Variants in GRAMD1B observed in about 807,000 individuals in gnomAD.
The protein encoded by GRAMD1B is GRAM domain containing 1B.
GRAMD1B carries 37 observed loss-of-function variants against 99.7 expected under a neutral mutation model. The ratio of observed to expected loss-of-function variants is 0.37; its 90% CI spans 0.29 to 0.49. GRAMD1B has a LOEUF of 0.49. GRAMD1B is among the 20% of genes least tolerant of loss of function. GRAMD1B has a pLI of 0.98. For missense variants in GRAMD1B, 888 were observed against 1,009.2 expected, an observed-to-expected ratio of 0.88 and a Z score of 1.63; for synonymous variants, 427 against 387.6, an observed-to-expected ratio of 1.10 and a Z score of -1.19.
intron 1 of GRAMD1B, among the ~76,000 whole-genome samples, chr11:123,448,473 G>A (rs1008580482): frequency 6.6e-6 from 1 of 152,204 alleles, no homozygotes; most frequent in African/African-American, 2.4e-5. Context: ...GCCCGCCTTG[G>A]CCTCCCAAGT....
chr11:123,503,738 G>A (rs1940136169), intron 2 of GRAMD1B, among the ~76,000 whole-genome samples: 2 of 152,056 alleles, frequency 1.3e-5, no homozygotes, highest in Admixed American at 1.3e-4. Context: ...GTAAAGACAA[G>A]GTTTCACCAT....
At chr11:123,579,228 G>C (rs914918182) in intron 3 of GRAMD1B, among the ~76,000 whole-genome samples, 1 of 152,222 alleles carries the variant, frequency 6.6e-6, no homozygotes, top group Admixed American at 6.5e-5. Flanking sequence ...AGGTGTTGTG[G>C]AACAACAAGG....
chr11:123,370,507 A>C (rs749909100), intron 1 of GRAMD1B, among the ~76,000 whole-genome samples: 3 of 151,176 alleles, frequency 2.0e-5, no homozygotes, highest in Non-Finnish European at 3.0e-5. Context: ...CACCTGGCTA[A>C]GTTTTTGTAT....
intron 4 of GRAMD1B, among the ~76,000 whole-genome samples, chr11:123,593,147 G>A (rs1406727606): frequency 2.0e-5 from 3 of 152,030 alleles, no homozygotes; most frequent in Admixed American, 6.6e-5. Flanking sequence ...CAGGAGAATC[G>A]CTTGAACCCG....
chr11:123,371,460 T>C (rs1401245595), intron 1 of GRAMD1B, among the ~76,000 whole-genome samples: 1 of 152,236 alleles, frequency 6.6e-6, no homozygotes, highest in Admixed American at 6.5e-5. Flanking sequence ...AGTTATTTTA[T>C]GTCACAATGC....
At chr11:123,417,604 C>T (rs1203960224) in intron 1 of GRAMD1B, among the ~76,000 whole-genome samples, 1 of 152,110 alleles carries the variant, frequency 6.6e-6, no homozygotes, top group Non-Finnish European at 1.5e-5. Flanking sequence ...AGTAAATGAT[C>T]ACACATACCC....
intron 3 of GRAMD1B, among the ~76,000 whole-genome samples, chr11:123,583,476 G>A (rs1228781541): frequency 1.3e-5 from 2 of 152,134 alleles, no homozygotes; most frequent in African/African-American, 4.8e-5. Context: ...GTGTATATGT[G>A]CACACAAGCT....
chr11:123,442,791 A>G (rs1477906460), intron 1 of GRAMD1B, among the ~76,000 whole-genome samples: 1 of 152,122 alleles, frequency 6.6e-6, no homozygotes, highest in Non-Finnish European at 1.5e-5. Context: ...TAAAGGAATA[A>G]AATAATGGCT....
chr11:123,460,218 C>T (rs1024472864), intron 1 of GRAMD1B: 2 of 152,190 alleles, frequency 1.3e-5, no homozygotes, highest in Admixed American at 1.3e-4. Context: ...GTATGACAAG[C>T]TTATCAGAAG....
intron 2 of GRAMD1B, among the ~76,000 whole-genome samples, chr11:123,534,750 A>G (rs1258862860): frequency 6.6e-6 from 1 of 152,182 alleles, no homozygotes; most frequent in Non-Finnish European, 1.5e-5. Flanking sequence ...CTGTAATCCC[A>G]GCTACTCTGG....
chr11:123,421,148 G>A (rs1185384547), intron 1 of GRAMD1B, among the ~76,000 whole-genome samples: 1 of 152,210 alleles, frequency 6.6e-6, no homozygotes. Context: ...TTTCCCACAT[G>A]CAGGAATCCT....
At chr11:123,368,679 CAAAAAAAAAAAA>C (rs58877377) in intron 1 of GRAMD1B, among the ~76,000 whole-genome samples, 5 of 78,064 alleles carry the variant, frequency 6.4e-5, no homozygotes, top group Non-Finnish European at 6.6e-5. Context: ...GACTCTGTCT[CAAAAAAAAAAAA>C]AAAAAAAAAA....
intron 3 of GRAMD1B, among the ~76,000 whole-genome samples, chr11:123,579,926 C>T (rs538267673): frequency 1.3e-5 from 2 of 152,236 alleles, no homozygotes; most frequent in East Asian, 3.9e-4. Flanking sequence ...CCAAACTGGG[C>T]CTTTTCATAG....
intron 2 of GRAMD1B, among the ~76,000 whole-genome samples, chr11:123,537,463 A>G (rs550916173): frequency 1.3e-5 from 2 of 152,330 alleles, no homozygotes; most frequent in South Asian, 4.1e-4. Context: ...CACAAACCTG[A>G]GGATGCAAAT....
At chr11:123,605,666 A>T (rs1952613364) in intron 10 of GRAMD1B, among the ~76,000 whole-genome samples, 188 bp downstream of exon 10, 1 of 152,172 alleles carries the variant, frequency 6.6e-6, no homozygotes, top group Non-Finnish European at 1.5e-5. Context: ...CGGGGTCCAG[A>T]GCTGGGGCTA....
intron 1 of GRAMD1B, among the ~76,000 whole-genome samples, chr11:123,460,958 C>T (rs1247049789): frequency 6.6e-6 from 1 of 152,130 alleles, no homozygotes; most frequent in African/African-American, 2.4e-5. Flanking sequence ...CCAGGAAGAA[C>T]ACAAGGCTCT....
chr11:123,462,563 A>G (rs1230105604), intron 1 of GRAMD1B, among the ~76,000 whole-genome samples: 2 of 152,056 alleles, frequency 1.3e-5, no homozygotes, highest in East Asian at 1.9e-4. Flanking sequence ...CCTGCCACCC[A>G]CCCCTTCTCC....
intron 2 of GRAMD1B, among the ~76,000 whole-genome samples, chr11:123,504,482 A>C (rs914259049): frequency 6.6e-6 from 1 of 152,090 alleles, no homozygotes; most frequent in African/African-American, 2.4e-5. Flanking sequence ...TGCTTCAGAA[A>C]CTTCCGCTTC....
At chr11:123,399,402 C>T (rs965106543) in intron 1 of GRAMD1B, among the ~76,000 whole-genome samples, 1 of 152,184 alleles carries the variant, frequency 6.6e-6, no homozygotes, top group African/African-American at 2.4e-5. Flanking sequence ...CATGGAAGTG[C>T]AGGCATCTCT....
Sources: allele counts gnomAD v4.1 joint callset (sites outside exome capture counted in the v4.1 genomes callset), GRCh38; gene constraint gnomAD v4.1.1; transcripts MANE v1.5; gene names NCBI Gene and HGNC (gene_info 2026-07-23, HGNC 2026-07-21).